The following PRH1 variants were observed in gnomAD, a reference collection of about 807,000 sequenced individuals.
PRH1 encodes the protein salivary acidic proline-rich phosphoprotein 1/2.
A neutral mutation model predicts 7.9 loss-of-function variants in PRH1; 7 were observed. The ratio of observed to expected loss-of-function variants is 0.89; its 90% CI spans 0.50 to 1.67. The LOEUF (loss-of-function observed/expected upper bound fraction) is 1.67, where lower values mean the gene tolerates loss of function less well. Among genes scored for constraint, PRH1 ranks in the 40% most tolerant of loss-of-function variants. The pLI is 0.00. For synonymous variants in PRH1, 45 were observed against 80.8 expected (o/e 0.56, Z 2.38); for missense variants, 109 against 223.6 (o/e 0.49, Z 3.27).
intron 2 of PRH1, among the ~76,000 whole-genome samples, chr12:10,966,683 G>A (rs1938514040): frequency 7.0e-6 from 1 of 142,714 alleles, no homozygotes; most frequent in African/African-American, 2.6e-5. Context: ...AGGTTTCTCT[G>A]GCAGAAAAAC....
rs1946417965 is a variant in PRH1, at chr12:11,133,120, T to TAA, written n.40-11941_40-11940insTT. 3 of 496,930 alleles carry TAA rather than the reference T, an allele frequency of 6.0e-6. No homozygotes were observed. The East Asian group carries it at 1.2e-4, about 20-fold the overall frequency. The allele number at this position is 496,930 out of a possible 1,614,324, so 30.8% of individuals were successfully genotyped here. A position where few individuals can be genotyped will look rare whatever the true frequency, so the allele number is the denominator to read the frequency against. On this transcript the variant is annotated intron_variant and non_coding_transcript_variant, in intron 1 of 1. Transcript: ENST00000541175. ...ATTGTCAATGTTCTTCAGTTTTTCA[T>TAA]ACACACACACACACACACACACATC...
At chr12:10,938,779 T>G in intron 2 of PRH1, 1 of 1,613,470 alleles carries the variant, frequency 6.2e-7, no homozygotes, top group Non-Finnish European at 8.5e-7. Flanking sequence ...GTGCAATATT[T>G]AAAAACAAGA....
At chr12:10,998,541 G>GAC (rs1179477472) in intron 1 of PRH1, among the ~76,000 whole-genome samples, 7 of 151,806 alleles carry the variant, frequency 4.6e-5, no homozygotes, top group Non-Finnish European at 8.8e-5. Context: ...CACACACACA[G>GAC]ACACACACAC....
At chr12:11,016,600 A>G (rs1442448610) in intron 1 of PRH1, among the ~76,000 whole-genome samples, 1 of 148,610 alleles carries the variant, frequency 6.7e-6, no homozygotes, top group Non-Finnish European at 1.5e-5. Context: ...CTCCGCCTCC[A>G]AAAGTGCGGG....
chr12:10,984,272 T>C (rs767368048), intron 1 of PRH1, among the ~76,000 whole-genome samples: 5 of 152,222 alleles, frequency 3.3e-5, no homozygotes, highest in Non-Finnish European at 5.9e-5. Context: ...TATCTTCCCA[T>C]CACACATCGA....
intron 1 of PRH1, among the ~76,000 whole-genome samples, chr12:11,025,489 A>G (rs1436358482): frequency 2.0e-5 from 3 of 152,266 alleles, no homozygotes; most frequent in Non-Finnish European, 4.4e-5. Flanking sequence ...CAGATTTTCT[A>G]TTGGTCTTTT....
At chr12:11,035,452 CTTT>C (rs1039589579) in intron 1 of PRH1, among the ~76,000 whole-genome samples, 1 of 152,064 alleles carries the variant, frequency 6.6e-6, no homozygotes, top group African/African-American at 2.4e-5. Flanking sequence ...ATTGATTACT[CTTT>C]TTGTTTTTGT....
At chr12:11,116,109 C>A (rs1281454988), downstream of PRH1, among the ~76,000 whole-genome samples, 5 of 151,776 alleles carry the variant, frequency 3.3e-5, no homozygotes, top group Non-Finnish European at 5.9e-5. Flanking sequence ...GAAACAAAAA[C>A]CTGTTTTCTT....
At chr12:10,935,744 T>C (rs1399587512) in intron 2 of PRH1, among the ~76,000 whole-genome samples, 1 of 152,212 alleles carries the variant, frequency 6.6e-6, no homozygotes, top group African/African-American at 2.4e-5. Context: ...ATATTCTTAT[T>C]TCTTCAAGAA....
chr12:10,935,178 C>G (rs1483455187), intron 2 of PRH1, among the ~76,000 whole-genome samples: 1 of 152,112 alleles, frequency 6.6e-6, no homozygotes, highest in Non-Finnish European at 1.5e-5. Context: ...TATACACACA[C>G]TTTGCAGAAT....
intron 1 of PRH1, among the ~76,000 whole-genome samples, chr12:11,017,700 T>C (rs865916383): frequency 9.9e-5 from 15 of 152,012 alleles, no homozygotes; most frequent in Middle Eastern, 3.4e-3. Context: ...ACCATGTTGC[T>C]CAGGCTAGTC....
At chr12:10,913,304 A>C (rs557941732) in intron 2 of PRH1, among the ~76,000 whole-genome samples, 1 of 152,232 alleles carries the variant, frequency 6.6e-6, no homozygotes, top group Non-Finnish European at 1.5e-5. Flanking sequence ...AACTACAAAA[A>C]ATTAGCCGGG....
rs184779218 is a variant in PRH1 at position 10,963,119 on chromosome 12, T to C, written c.-59+10536A>G. 2.8e-5 allele frequency among the ~76,000 whole-genome samples: 4 copies of C among 142,768 alleles called. No homozygotes were observed. The East Asian group carries it at 8.2e-4, about 29-fold the overall frequency. The allele number at this position is 142,768 out of a possible 152,430, so 93.7% of individuals were successfully genotyped here. The stretch of plus-strand genomic sequence containing the variant: ...ACGTTGTACCAGGAAAGATATATAA[T>C]AAACAAACAAATAACTAAATCAAAT... On this transcript the variant is annotated intron_variant, in intron 2 of 3. Coordinates refer to the PRH1 transcript ENST00000539853.
At chr12:10,964,464 G>T in intron 2 of PRH1, 1 of 249,784 alleles carries the variant, frequency 4.0e-6, no homozygotes. Context: ...CACTTAATCT[G>T]ACACAAAATC....
At chr12:10,994,299 G>A (rs927586885) in intron 1 of PRH1, among the ~76,000 whole-genome samples, 1 of 152,192 alleles carries the variant, frequency 6.6e-6, no homozygotes, top group Admixed American at 6.5e-5. Context: ...AGCAGAGATG[G>A]TAGTTCTGCC....
rs1447858275 is a variant in PRH1 at position 11,150,263 on chromosome 12, G to C, written n.39+21159C>G. On this transcript the variant is annotated intron_variant and non_coding_transcript_variant, in intron 1 of 1. Transcript: ENST00000541175. The stretch of plus-strand genomic sequence containing the variant: ...CAACCATTGTGGAAGTCAGTGTGGC[G>C]ATTCCTCAGGGATCTAGAGCTAGAA... 2.6e-5 allele frequency among the ~76,000 whole-genome samples: 4 copies of C among 151,882 alleles called. No homozygotes were observed. The East Asian group carries it at 7.7e-4, about 29-fold the overall frequency.
chr12:11,029,444 A>G (rs182992318), intron 1 of PRH1, among the ~76,000 whole-genome samples: 7 of 152,286 alleles, frequency 4.6e-5, no homozygotes, highest in African/African-American at 1.7e-4. Flanking sequence ...TTATTTTTCA[A>G]AAAGAGAGGA....
chr12:10,901,914 G>A (rs902358898), intron 2 of PRH1, among the ~76,000 whole-genome samples: 1 of 152,034 alleles, frequency 6.6e-6, no homozygotes, highest in African/African-American at 2.4e-5. Flanking sequence ...ATTGCCAGAG[G>A]AGGAGGAAAG....
intron 1 of PRH1, among the ~76,000 whole-genome samples, chr12:10,979,212 A>G (rs779708657): frequency 6.6e-6 from 1 of 152,244 alleles, no homozygotes; most frequent in Non-Finnish European, 1.5e-5. Flanking sequence ...CATGCAATTT[A>G]CTTATATAAC....
Sources: allele counts gnomAD v4.1 joint callset (sites outside exome capture counted in the v4.1 genomes callset), GRCh38; gene constraint gnomAD v4.1.1; transcripts MANE v1.5; gene names NCBI Gene and HGNC (gene_info 2026-07-23, HGNC 2026-07-21).